The following ELMO2 variants were observed in gnomAD, a reference collection of about 807,000 sequenced individuals.
ELMO2 encodes engulfment and cell motility 2, also known as engulfment and cell motility protein 2.
ELMO2 carries 37 observed loss-of-function variants against 96.2 expected under a neutral mutation model. The ratio of observed to expected loss-of-function variants is 0.38; its 90% CI spans 0.30 to 0.51. ELMO2 has a LOEUF of 0.51. Ranked by LOEUF, ELMO2 falls within the 20% of genes least tolerant of loss-of-function variation. ELMO2 has a pLI of 0.88. For synonymous variants in ELMO2, 315 were observed against 329.4 expected (o/e 0.96, Z 0.47); for missense variants, 561 against 912.6 (o/e 0.61, Z 4.96).
chr20:46,370,903 GCCAA>G (rs1280868179), intron 19 of ELMO2, among the ~76,000 whole-genome samples: 1 of 152,184 alleles, frequency 6.6e-6, no homozygotes, highest in Non-Finnish European at 1.5e-5. Flanking sequence ...CTGACTACCT[GCCAA>G]CCACTCTTCT....
At chr20:46,373,658 A>C (rs755244964) in intron 15 of ELMO2, 123 bp from the exon 16 acceptor site, 201 of 1,269,598 alleles carry the variant, frequency 1.6e-4, no homozygotes, top group Non-Finnish European at 2.0e-4. Context: ...CGCAATTAAC[A>C]GGGAGCGTGG....
rs1424532698 is a variant in ELMO2, at chr20:46,374,457, A to G, written c.1171-17T>C. 2 of 1,613,504 alleles carry G rather than the reference A, an allele frequency of 1.2e-6. No homozygotes were observed. The highest frequency in any genetic ancestry group is 2.2e-5 in the East Asian group (1 of 44,880). ...CAAGACAATCTGTCGGGGGAAGAGAAAGGGAGGATTAGGGAGATGAAGGAG... is the reference window on the plus strand; with the variant it reads ...CAAGACAATCTGTCGGGGGAAGAGAGAGGGAGGATTAGGGAGATGAAGGAG... On this transcript the variant is annotated splice_polypyrimidine_tract_variant and intron_variant, in intron 14 of 21. Transcript: ENST00000290246.
chr20:46,398,497 G>C (rs1005566520), intron 2 of ELMO2, among the ~76,000 whole-genome samples, 200 bp downstream of exon 2: 1 of 152,058 alleles, frequency 6.6e-6, no homozygotes, highest in Non-Finnish European at 1.5e-5. Context: ...ATTTTTAGTA[G>C]AGACGGGGTT....
At chr20:46,403,267 C>CTTATT (rs200693563) in intron 1 of ELMO2, among the ~76,000 whole-genome samples, 1 of 152,162 alleles carries the variant, frequency 6.6e-6, no homozygotes, top group African/African-American at 2.4e-5. Context: ...GTTGGTGTTC[C>CTTATT]ACTATTATTA....
intron 6 of ELMO2, among the ~76,000 whole-genome samples, chr20:46,389,436 C>T (rs2060111937): frequency 6.6e-6 from 1 of 152,184 alleles, no homozygotes; most frequent in Non-Finnish European, 1.5e-5. Flanking sequence ...CTTTTCTGTA[C>T]CGCTTTGGCC....
At chr20:46,383,054 A>C (rs1463417298) in intron 10 of ELMO2, among the ~76,000 whole-genome samples, 1 of 152,188 alleles carries the variant, frequency 6.6e-6, no homozygotes, top group Non-Finnish European at 1.5e-5. Context: ...ATTTTATTGG[A>C]AGACAGCCAT....
intron 6 of ELMO2, chr20:46,390,769 C>T (rs1334504509): frequency 2.0e-5 from 3 of 152,192 alleles, no homozygotes; most frequent in Non-Finnish European, 4.4e-5. Flanking sequence ...TGACTGGAGC[C>T]CAATTCCTGC....
chr20:46,393,939 T>C (rs1191543939), intron 4 of ELMO2, 110 bp downstream of exon 4: 1 of 1,443,220 alleles, frequency 6.9e-7, no homozygotes, highest in African/African-American at 1.4e-5. Context: ...AAGACCCCCA[T>C]GCTGAGGACC....
chr20:46,368,865 G>T (rs773924721), intron 21 of ELMO2, 26 bp downstream of exon 21: 3 of 1,613,058 alleles, frequency 1.9e-6, no homozygotes, highest in Non-Finnish European at 1.7e-6. Flanking sequence ...TAGCTCTGTT[G>T]TCTAAGGCAG....
chr20:46,383,535 C>G, intron 9 of ELMO2, 41 bp from the exon 10 acceptor site: 1 of 1,531,922 alleles, frequency 6.5e-7, no homozygotes, highest in Non-Finnish European at 9.0e-7. Flanking sequence ...GATTAGAAGA[C>G]TGAACAGCAA....
chr20:46,385,243 G>C (rs1469014864), intron 9 of ELMO2, among the ~76,000 whole-genome samples: 2 of 152,194 alleles, frequency 1.3e-5, no homozygotes, highest in Non-Finnish European at 2.9e-5. Flanking sequence ...GTTTTGCAAA[G>C]TCCAGCTTCC....
At chr20:46,370,643 C>T in intron 19 of ELMO2, 118 bp from the exon 20 acceptor site, 1 of 918,556 alleles carries the variant, frequency 1.1e-6, no homozygotes, top group Non-Finnish European at 1.7e-6. Context: ...CCCCAAACTC[C>T]AAGGGCTGCT....
At chr20:46,397,215 A>T (rs2145850289) in intron 2 of ELMO2, among the ~76,000 whole-genome samples, 1 of 152,352 alleles carries the variant, frequency 6.6e-6, no homozygotes, top group Non-Finnish European at 1.5e-5. Context: ...TATTTGAAAG[A>T]TATTAATAAG....
Position 46,375,902 on chromosome 20 carries a change from C to T in ELMO2, c.808-112G>A. ...GTTGGGAAGGGAACAGAGCTTTCCT[C>T]CCACACACGAGGACTTCATATTCTA... is the stretch of plus-strand genomic sequence containing the variant. On this transcript the variant is annotated intron_variant, in intron 11 of 21. Transcript: ENST00000290246. This position sits in a 1 kb window ranked among gnomAD's most constrained non-coding sequence, Gnocchi z 4.6. 2 of 1,406,242 alleles carry T rather than the reference C, an allele frequency of 1.4e-6. No homozygotes were observed. The highest frequency in any genetic ancestry group is 1.9e-6 in the Non-Finnish European group (2 of 1,031,886). The allele number at this position is 1,406,242 out of a possible 1,614,324, so 87.1% of individuals were successfully genotyped here. A position where few individuals can be genotyped will look rare whatever the true frequency, so the allele number is the denominator to read the frequency against.
At chr20:46,376,776 C>T (rs1302370229) in intron 11 of ELMO2, 11 of 1,289,244 alleles carry the variant, frequency 8.5e-6, no homozygotes, top group Non-Finnish European at 1.1e-5. Flanking sequence ...CATGTACCAC[C>T]ACTATGTCCT....
At chr20:46,394,233 T>C in intron 3 of ELMO2, 144 bp from the exon 4 acceptor site, 1 of 1,112,108 alleles carries the variant, frequency 9.0e-7, no homozygotes, top group South Asian at 1.3e-5. Context: ...AGGAAGCCTC[T>C]CCCAAGCCAT....
At chr20:46,404,338 A>G (rs1243274283) in intron 1 of ELMO2, among the ~76,000 whole-genome samples, 2 of 152,214 alleles carry the variant, frequency 1.3e-5, no homozygotes, top group South Asian at 2.1e-4. Context: ...GCACAGAACA[A>G]GCTAGAATAT....
intron 10 of ELMO2, chr20:46,382,128 G>C: frequency 8.2e-7 from 1 of 1,218,506 alleles, no homozygotes; most frequent in Non-Finnish European, 1.1e-6. Flanking sequence ...ATCTAGATCA[G>C]ACCATGAGAT....
chr20:46,375,281 T>C lies in ELMO2; in HGVS notation c.1020A>G (p.Lys340=), dbSNP rs1351007124. 1 of 1,614,102 alleles carries C rather than the reference T, an allele frequency of 6.2e-7. No homozygotes were observed. Among genetic ancestry groups the C allele is most frequent in the Non-Finnish European group, 8.5e-7 (1 of 1,180,022 alleles). The part of the protein sequence containing the change: ...PSNAPGSGTE[K]RKAMYTKDYK... ...AGTCCTTTGTGTACATGGCTTTGCGTTTTTCGGTCCCACTCCCAGGGGCAT... is the reference window on the plus strand; with the variant it reads ...AGTCCTTTGTGTACATGGCTTTGCGCTTTTCGGTCCCACTCCCAGGGGCAT... The change falls in exon 13 of 22, where the codon AAA becomes AAG. Residue 340 remains lysine (K), a synonymous_variant. Transcript: ENST00000290246. The surrounding 1 kb of genome is among the most constrained non-coding windows in gnomAD (Gnocchi z 4.6).
Sources: allele counts gnomAD v4.1 joint callset (sites outside exome capture counted in the v4.1 genomes callset), GRCh38; gene constraint gnomAD v4.1.1; non-coding constraint Gnocchi (gnomAD v3.1); transcripts MANE v1.5; gene names NCBI Gene and HGNC (gene_info 2026-07-23, HGNC 2026-07-21).